The following TF variants were observed in gnomAD, a reference collection of about 807,000 sequenced individuals.
TF encodes the protein serotransferrin.
Under a neutral mutation model 82.4 loss-of-function variants are expected in TF, and 55 were observed. The observed-to-expected ratio is 0.67, with a 90% CI of 0.54 to 0.84. The LOEUF is 0.84. Among genes scored for constraint, TF ranks in the 40% least tolerant of loss-of-function variants. The probability of loss-of-function intolerance (pLI) is 0.00; values close to 1 mark genes in which losing one functional copy is unlikely to be tolerated. For missense variants in TF, 737 were observed against 868.4 expected (o/e 0.85, Z 1.90); for synonymous variants, 332 against 332.6 (o/e 1.00, Z 0.02).
intron 15 of TF, 46 bp downstream of exon 15, chr3:133,775,663 T>G: frequency 3.0e-5 from 48 of 1,579,500 alleles, no homozygotes; most frequent in Non-Finnish European, 3.9e-5. Context: ...TAGATGGCCA[T>G]AGGCTATTCG....
chr3:133,742,196 G>A (rs1933405831), upstream of TF, among the ~76,000 whole-genome samples: 1 of 152,070 alleles, frequency 6.6e-6, no homozygotes, highest in Non-Finnish European at 1.5e-5. Flanking sequence ...TGCCCAGGCT[G>A]GTCTTGAACT....
chr3:133,772,038 G>A (rs1934274432), intron 14 of TF, among the ~76,000 whole-genome samples: 1 of 152,028 alleles, frequency 6.6e-6, no homozygotes, highest in African/African-American at 2.4e-5. Context: ...CTTCCCAGAT[G>A]GCATACCCTG....
chr3:133,769,358 T>C (rs1466683892), intron 13 of TF, among the ~76,000 whole-genome samples: 1 of 152,142 alleles, frequency 6.6e-6, no homozygotes, highest in East Asian at 1.9e-4. Flanking sequence ...TAAAATAGAG[T>C]TCCCCTTTGC....
chr3:133,732,706 A>G, the TF span, among the ~76,000 whole-genome samples: 6 of 152,214 alleles, frequency 3.9e-5, no homozygotes, highest in African/African-American at 1.4e-4. Flanking sequence ...GACACGTCTG[A>G]ACATCAGAAG....
rs750553313 is a variant in TF at position 133,795,331 on chromosome 3, G to A, written c.*16711G>A. 1.3e-5 allele frequency: 2 copies of A among 152,152 alleles called. No individual in the cohort carries two copies. Among genetic ancestry groups the A allele is most frequent in the East Asian group, 1.9e-4 (1 of 5,196 alleles). The allele number at this position is 152,152 out of a possible 1,614,324, so 9.4% of individuals were successfully genotyped here. ...GTCATAATAATAGTCTCCCTGGTGT[G>A]CTGTATTCTCTCAACGGTTTTAAAT... On this transcript the variant is annotated 3_prime_UTR_variant, in exon 17 of 17. Coordinates refer to ENST00000402696, the MANE Select transcript of TF (RefSeq NM_001063.4).
Position 133,793,525 on chromosome 3 carries a change from A to G in TF, c.*14905A>G, listed in dbSNP as rs746279102. ...AAAAAAATTTAATCTTCTTCAGGTT[A>G]TATTTTAGTGAATAATATTAATATA... On this transcript the variant is annotated 3_prime_UTR_variant, in exon 17 of 17. Coordinates refer to ENST00000402696, the MANE Select transcript of TF (RefSeq NM_001063.4). 6.6e-6 allele frequency: 1 copy of G among 152,190 alleles called. No homozygotes were observed. The highest frequency in any genetic ancestry group is 1.5e-5 in the Non-Finnish European group (1 of 67,996). The allele number at this position is 152,190 out of a possible 1,614,324, so 9.4% of individuals were successfully genotyped here.
At chr3:133,744,096 TG>T (rs1285703664), upstream of TF, among the ~76,000 whole-genome samples, 1 of 152,198 alleles carries the variant, frequency 6.6e-6, no homozygotes, top group Non-Finnish European at 1.5e-5. Context: ...GCACCTGTCT[TG>T]GGCTTGGACT....
At chr3:133,733,533 G>GC in the TF span, among the ~76,000 whole-genome samples, 1 of 152,198 alleles carries the variant, frequency 6.6e-6, no homozygotes, top group African/African-American at 2.4e-5. Flanking sequence ...CTAGCTGTCA[G>GC]CCTGGGGGGT....
chr3:133,754,465 G>A (rs765907488), intron 3 of TF, 30 bp from the exon 4 acceptor site: 4 of 1,612,558 alleles, frequency 2.5e-6, no homozygotes, highest in Non-Finnish European at 3.4e-6. Flanking sequence ...ACCAGGCTGA[G>A]GGCCTTCCAT....
In TF at chr3:133,792,468, A is replaced by G. The variant is rs1934865224; in HGVS notation, c.*13848A>G. ...AACTTGCCTGCTTTACAGCTCGGTA[A>G]GGCCTGAGACACGTGGAGTCAGATG... On this transcript the variant is annotated 3_prime_UTR_variant, in exon 17 of 17. Coordinates refer to ENST00000402696, the MANE Select transcript of TF (RefSeq NM_001063.4). 1 of 152,208 alleles carries G rather than the reference A, an allele frequency of 6.6e-6. No homozygotes were observed. Among genetic ancestry groups the G allele is most frequent in the African/African-American group, 2.4e-5 (1 of 41,460 alleles). 9.4% of individuals were successfully genotyped at this position (152,208 alleles called of 1,614,324 possible).
At position 133,768,026 on chromosome 3, in the gene TF, C is replaced by T. The variant is rs756270765; in HGVS notation, c.1487-3C>T. 8.1e-6 allele frequency: 13 copies of T among 1,614,092 alleles called. No homozygotes were observed. In the East Asian group the frequency reaches 2.9e-4, roughly 36 times the overall value. On this transcript the variant is annotated splice_region_variant and splice_polypyrimidine_tract_variant and intron_variant, in intron 12 of 16. Coordinates refer to ENST00000402696, the MANE Select transcript of TF (RefSeq NM_001063.4). ...GCTGACTTCCTCTTGTCCTTCTGCA[C>T]AGATGAATTTTTCAGTGAAGGTTGT...
the TF span, among the ~76,000 whole-genome samples, chr3:133,728,149 G>A: frequency 1.3e-5 from 2 of 152,020 alleles, no homozygotes; most frequent in African/African-American, 2.4e-5. Context: ...TGTTCTTCTC[G>A]AGGAGTATCT....
intron 15 of TF, 140 bp downstream of exon 15, chr3:133,775,757 C>A: frequency 1.2e-6 from 1 of 866,758 alleles, no homozygotes; most frequent in Non-Finnish European, 1.8e-6. Flanking sequence ...CATTTCATGC[C>A]ATGCATTGTG....
At chr3:133,663,351 ATTTTTT>A in the TF span, among the ~76,000 whole-genome samples, 1 of 128,052 alleles carries the variant, frequency 7.8e-6, no homozygotes, top group African/African-American at 3.0e-5. Flanking sequence ...AATATCATTA[ATTTTTT>A]TTTTTTTTTT....
At position 133,791,680 on chromosome 3, in the gene TF, T is replaced by A. The variant is rs1934840726; in HGVS notation, c.*13060T>A. On this transcript the variant is annotated 3_prime_UTR_variant, in exon 17 of 17. Coordinates refer to ENST00000402696, the MANE Select transcript of TF (RefSeq NM_001063.4). ...GCTTAGGACCCCATAGACCTGCTGT[T>A]CAAGACACACCAGCAGACTGGTCAG... 1 of 152,196 alleles carries A rather than the reference T, an allele frequency of 6.6e-6. No individual in the cohort carries two copies. The highest frequency in any genetic ancestry group is 2.4e-5 in the African/African-American group (1 of 41,448). The allele number at this position is 152,196 out of a possible 1,614,324, so 9.4% of individuals were successfully genotyped here.
chr3:133,777,468 T>C (rs1269492076), intron 16 of TF: 2 of 541,558 alleles, frequency 3.7e-6, no homozygotes, highest in East Asian at 3.1e-5. Flanking sequence ...TTATTGGGTA[T>C]AGAGAATTCC....
intron 16 of TF, 180 bp downstream of exon 16, chr3:133,777,418 T>C (rs901108782): frequency 8.0e-6 from 5 of 623,372 alleles, no homozygotes; most frequent in Admixed American, 5.0e-5. Flanking sequence ...TAGGGGCAGA[T>C]AGTAAGGGGA....
the TF span, among the ~76,000 whole-genome samples, chr3:133,725,413 A>C: frequency 6.6e-6 from 1 of 151,926 alleles, no homozygotes. Flanking sequence ...ATTCTCTTTG[A>C]AGCAATTGTG....
At chr3:133,745,451 C>A (rs1933473824), upstream of TF, among the ~76,000 whole-genome samples, 1 of 152,214 alleles carries the variant, frequency 6.6e-6, no homozygotes, top group East Asian at 1.9e-4. Context: ...TTACAAATTT[C>A]TATTCCTTGT....
Sources: allele counts gnomAD v4.1 joint callset (sites outside exome capture counted in the v4.1 genomes callset), GRCh38; gene constraint gnomAD v4.1.1; transcripts MANE v1.5; gene names NCBI Gene and HGNC (gene_info 2026-07-23, HGNC 2026-07-21).